MGRN1: variants seen among roughly 807,000 people sequenced by gnomAD.
The protein encoded by MGRN1 is mahogunin ring finger 1.
Under a neutral mutation model 69.2 loss-of-function variants are expected in MGRN1, and 29 were observed. The ratio of observed to expected loss-of-function variants is 0.42; its 90% CI spans 0.31 to 0.57. MGRN1 has a LOEUF of 0.57. Ranked by LOEUF, MGRN1 falls within the 20% of genes least tolerant of loss-of-function variation. MGRN1 has a pLI of 0.15. For synonymous variants in MGRN1, 470 were observed against 344.2 expected (o/e 1.37, Z -4.04); for missense variants, 998 against 796.2 (o/e 1.25, Z -3.05).
chr16:4,673,387 A>T, intron 9 of MGRN1, 111 bp from the exon 10 acceptor site: 1 of 1,415,670 alleles, frequency 7.1e-7, no homozygotes, highest in Non-Finnish European at 9.6e-7. Flanking sequence ...TCTCTTTGTC[A>T]TGACAGCCCC....
intron 14 of MGRN1, 103 bp downstream of exon 14, chr16:4,683,049 C>T (rs2079224851): frequency 1.4e-6 from 2 of 1,473,434 alleles, no homozygotes; most frequent in East Asian, 4.8e-5. Context: ...CTGGGCGCCC[C>T]CGTGCTTGTT....
intron 3 of MGRN1, 65 bp downstream of exon 3, chr16:4,652,116 G>C: frequency 6.6e-7 from 1 of 1,514,956 alleles, no homozygotes; most frequent in Non-Finnish European, 9.1e-7. Context: ...TGGAGGTTCT[G>C]GCTTGATGCT....
intron 1 of MGRN1, 88 bp from the exon 2 acceptor site, chr16:4,650,277 T>A: frequency 9.8e-7 from 1 of 1,024,726 alleles, no homozygotes; most frequent in South Asian, 1.6e-5. Context: ...CACTCCAGCC[T>A]GGGTGGAGCG....
intron 1 of MGRN1, among the ~76,000 whole-genome samples, chr16:4,645,295 T>TC (rs1482174844): frequency 2.6e-5 from 4 of 151,968 alleles, no homozygotes; most frequent in African/African-American, 9.7e-5. Flanking sequence ...GTGTCCTGAG[T>TC]AGCTAGGACT....
At chr16:4,648,282 G>A (rs1451830250) in intron 1 of MGRN1, among the ~76,000 whole-genome samples, 3 of 149,138 alleles carry the variant, frequency 2.0e-5, no homozygotes, top group Non-Finnish European at 3.0e-5. Flanking sequence ...GACTCTTCCC[G>A]TGGTCACCCG....
rs545122793 is a variant in MGRN1 at position 4,665,009 on chromosome 16, C to T, written c.629-93C>T. ...CTATGGACTCTGTGCAGGCTGAGCC[C>T]TCGGTGCCGCAGGCCTACCAGGGTC... On this transcript the variant is annotated intron_variant, in intron 6 of 16. Transcript: ENST00000262370. The T allele has an allele frequency of 5.5e-5, 81 of 1,461,956 alleles. No individual in the cohort carries two copies. The African/African-American group carries it at 1.0e-3, about 19-fold the overall frequency. The allele number at this position is 1,461,956 out of a possible 1,614,324, so 90.6% of individuals were successfully genotyped here.
At chr16:4,646,771 C>T (rs117791754) in intron 1 of MGRN1, among the ~76,000 whole-genome samples, 1 of 152,188 alleles carries the variant, frequency 6.6e-6, no homozygotes, top group Non-Finnish European at 1.5e-5. Flanking sequence ...CTGGCCACCT[C>T]GCTCATCTTC....
chr16:4,676,437 A>T (rs1054327296), intron 10 of MGRN1, among the ~76,000 whole-genome samples: 2 of 152,166 alleles, frequency 1.3e-5, no homozygotes, highest in Non-Finnish European at 2.9e-5. Flanking sequence ...ACCGAGTCCA[A>T]TTCTGGAATC....
At chr16:4,686,282 G>A in intron 16 of MGRN1, 3 of 1,545,034 alleles carry the variant, frequency 1.9e-6, no homozygotes, top group South Asian at 1.2e-5. Flanking sequence ...CTCCTGCTCT[G>A]TTGGTATAGA....
rs1368142955 is a variant in MGRN1, at chr16:4,677,814, G to A, written c.1065+242G>A. Among the ~76,000 whole-genome samples the A allele has an allele frequency of 4.0e-5, 6 of 148,698 alleles. No individual in the cohort carries two copies. The East Asian group carries it at 8.0e-4, about 20-fold the overall frequency. On this transcript the variant is annotated intron_variant, in intron 11 of 16. Transcript: ENST00000262370. ...GCCTGCGACAAGGCTGAGCGCGGTC[G>A]AGGTCTCGGTGGAGCCAGGTGCTTT...
chr16:4,645,087 C>T (rs2078245260), intron 1 of MGRN1, among the ~76,000 whole-genome samples: 1 of 141,254 alleles, frequency 7.1e-6, no homozygotes, highest in South Asian at 2.2e-4. Flanking sequence ...GCATTTGTTT[C>T]TCTGAAGTTA....
intron 7 of MGRN1, among the ~76,000 whole-genome samples, chr16:4,667,280 G>A (rs1195206035): frequency 6.6e-6 from 1 of 152,202 alleles, no homozygotes; most frequent in African/African-American, 2.4e-5. Flanking sequence ...AGGGTCGGGG[G>A]TTCTGTTAGC....
intron 16 of MGRN1, chr16:4,687,242 A>G: frequency 4.1e-6 from 4 of 985,356 alleles, no homozygotes; most frequent in Non-Finnish European, 4.8e-6. Context: ...AGGGTGGCCC[A>G]GGTGAGTGTT....
At chr16:4,672,636 C>A (rs532442709) in intron 9 of MGRN1, 11 of 357,740 alleles carry the variant, frequency 3.1e-5, no homozygotes, top group Non-Finnish European at 5.5e-5. Flanking sequence ...GCTGCCATTA[C>A]AACAGGAGCA....
intron 1 of MGRN1, among the ~76,000 whole-genome samples, chr16:4,625,627 G>GT (rs1260593239): frequency 6.6e-6 from 1 of 152,220 alleles, no homozygotes; most frequent in Admixed American, 6.5e-5. Context: ...CGATACTCGG[G>GT]CCTCTGTGTT....
At chr16:4,665,249 G>C (rs1340460249) in intron 7 of MGRN1, 98 bp downstream of exon 7, 1 of 1,370,822 alleles carries the variant, frequency 7.3e-7, no homozygotes, top group African/African-American at 1.4e-5. Context: ...GGGGCTTGGT[G>C]GGGTGGCTGA....
At chr16:4,682,620 G>T (rs1191677170) in intron 13 of MGRN1, among the ~76,000 whole-genome samples, 1 of 152,180 alleles carries the variant, frequency 6.6e-6, no homozygotes, top group Non-Finnish European at 1.5e-5. Context: ...CCCCTCTGTC[G>T]GGCGGGTCTG....
At chr16:4,627,504 C>A (rs1897736575) in intron 1 of MGRN1, among the ~76,000 whole-genome samples, 1 of 152,246 alleles carries the variant, frequency 6.6e-6, no homozygotes, top group African/African-American at 2.4e-5. Context: ...GTGCAGTCGT[C>A]TGGCCAGGCG....
chr16:4,663,310 A>G (rs1041074740), intron 5 of MGRN1, among the ~76,000 whole-genome samples: 1 of 142,012 alleles, frequency 7.0e-6, no homozygotes, highest in African/African-American at 2.7e-5. Context: ...GTGATCCGCC[A>G]CCTAGGCCTC....
Sources: allele counts gnomAD v4.1 joint callset (sites outside exome capture counted in the v4.1 genomes callset), GRCh38; gene constraint gnomAD v4.1.1; transcripts MANE v1.5; gene names NCBI Gene and HGNC (gene_info 2026-07-23, HGNC 2026-07-21).